Variants in FOXN3 observed in about 807,000 individuals in gnomAD.
FOXN3 encodes the protein forkhead box protein N3.
In FOXN3, 7 loss-of-function variants were observed where a neutral mutation model predicts 38.4. The observed-to-expected ratio is 0.18, with a 90% confidence interval of 0.10 to 0.34. The LOEUF is 0.34. FOXN3 is among the 10% of genes least tolerant of loss of function. FOXN3 has a pLI of 1.00. For synonymous variants in FOXN3, 230 were observed against 242.2 expected (o/e 0.95, Z 0.47); for missense variants, 456 against 613.4 (o/e 0.74, Z 2.71).
intron 3 of FOXN3, among the ~76,000 whole-genome samples, chr14:89,287,749 TAAAA>T (rs58930677): frequency 0.37 from 47,302 of 129,370 alleles, 8,178 homozygotes; most frequent in African/African-American, 0.42. Context: ...TAAAGAATGC[TAAAA>T]AAAAAAAAAA....
intron 2 of FOXN3, among the ~76,000 whole-genome samples, chr14:89,363,029 A>G (rs1295750589): frequency 1.3e-5 from 2 of 152,154 alleles, no homozygotes; most frequent in African/African-American, 4.8e-5. Context: ...AACACAAACA[A>G]GAAGTGATTA....
chr14:89,457,427 C>A (rs145073322), intron 1 of FOXN3, among the ~76,000 whole-genome samples: 1 of 152,304 alleles, frequency 6.6e-6, no homozygotes, highest in East Asian at 1.9e-4. Context: ...AGCATGGAAC[C>A]CGGAGCCTAA....
intron 3 of FOXN3, among the ~76,000 whole-genome samples, chr14:89,325,248 GACCACCACC>G (rs1187823867): frequency 5.0e-5 from 1 of 19,946 alleles, no homozygotes; most frequent in African/African-American, 1.8e-4. Flanking sequence ...CCACCACCAC[GACCACCACC>G]ACCACCACCA....
At chr14:89,578,268 T>C (rs138959361) in intron 1 of FOXN3, among the ~76,000 whole-genome samples, 107 of 152,308 alleles carry the variant, frequency 7.0e-4, no homozygotes, top group African/African-American at 2.4e-3. Context: ...CCACTTCTCT[T>C]TCAGCAACTT....
intron 1 of FOXN3, among the ~76,000 whole-genome samples, chr14:89,545,420 C>T (rs1894865323): frequency 6.6e-6 from 1 of 152,208 alleles, no homozygotes; most frequent in Admixed American, 6.5e-5. Context: ...CCAAACTGTG[C>T]CTACTGGCTC....
At chr14:89,207,204 G>A (rs1204204829) in intron 4 of FOXN3, among the ~76,000 whole-genome samples, 1 of 151,934 alleles carries the variant, frequency 6.6e-6, no homozygotes, top group Non-Finnish European at 1.5e-5. Context: ...TGGGCAAAAA[G>A]AGCAAAACTC....
intron 3 of FOXN3, among the ~76,000 whole-genome samples, chr14:89,293,912 G>A (rs763044558): frequency 2.6e-5 from 4 of 152,150 alleles, no homozygotes; most frequent in African/African-American, 7.2e-5. Context: ...AATGTCTGTT[G>A]AGGGAAGTAA....
chr14:89,334,776 T>G (rs1453543235), intron 3 of FOXN3, among the ~76,000 whole-genome samples: 1 of 146,336 alleles, frequency 6.8e-6, no homozygotes, highest in Non-Finnish European at 1.5e-5. Flanking sequence ...AGAATCTTGC[T>G]CCTTGTTTTG....
chr14:89,571,057 T>G (rs1214525694), intron 1 of FOXN3, among the ~76,000 whole-genome samples: 1 of 152,214 alleles, frequency 6.6e-6, no homozygotes, highest in Admixed American at 6.5e-5. Context: ...AGCACTGCAC[T>G]CAAAGACTGT....
intron 3 of FOXN3, among the ~76,000 whole-genome samples, chr14:89,338,119 G>C (rs921047909): frequency 6.6e-6 from 1 of 152,200 alleles, no homozygotes; most frequent in Non-Finnish European, 1.5e-5. Context: ...TTGGCAGACA[G>C]ATGGGGAAGT....
At chr14:89,202,849 A>G (rs1322820726) in intron 4 of FOXN3, among the ~76,000 whole-genome samples, 1 of 152,016 alleles carries the variant, frequency 6.6e-6, no homozygotes, top group East Asian at 1.9e-4. Context: ...AGCCAGATAA[A>G]CCTCTTTTCT....
chr14:89,186,579 C>T (rs1260437666), intron 4 of FOXN3, among the ~76,000 whole-genome samples: 3 of 152,084 alleles, frequency 2.0e-5, no homozygotes, highest in Non-Finnish European at 4.4e-5. Flanking sequence ...TTGACTGGAG[C>T]ATAATCCAAA....
At chr14:89,529,253 A>G (rs185303904) in intron 1 of FOXN3, among the ~76,000 whole-genome samples, 1 of 152,322 alleles carries the variant, frequency 6.6e-6, no homozygotes, top group East Asian at 1.9e-4. Context: ...AATATTAATT[A>G]CTAGTTAAAA....
At chr14:89,318,817 G>C (rs1887812556) in intron 3 of FOXN3, among the ~76,000 whole-genome samples, 1 of 152,238 alleles carries the variant, frequency 6.6e-6, no homozygotes, top group Non-Finnish European at 1.5e-5. Context: ...ACCGTGGCCA[G>C]ATGAAGCCGC....
At chr14:89,483,501 C>T (rs939938189) in intron 1 of FOXN3, among the ~76,000 whole-genome samples, 27 of 152,282 alleles carry the variant, frequency 1.8e-4, no homozygotes, top group African/African-American at 6.0e-4. Flanking sequence ...CTCTGCCTCC[C>T]GGGTTCAAGT....
chr14:89,265,610 C>T (rs916480686), intron 4 of FOXN3, among the ~76,000 whole-genome samples: 1 of 152,040 alleles, frequency 6.6e-6, no homozygotes. Flanking sequence ...AGGGTTAATG[C>T]CTAAAAGAGG....
chr14:89,590,356 A>T (rs1323298990), intron 1 of FOXN3, among the ~76,000 whole-genome samples: 6 of 152,104 alleles, frequency 3.9e-5, no homozygotes, highest in Non-Finnish European at 1.5e-5. Context: ...AGATGGAGTA[A>T]TTTCTGGAAG....
Position 89,162,737 on chromosome 14 carries a change from A to AGCTCCCCTC in FOXN3, c.1075_1083dup (p.Glu359_Ser361dup), listed in dbSNP as rs1427282946. On this transcript the variant is annotated inframe_insertion, in exon 6 of 6. Coordinates refer to ENST00000557258, the MANE Select transcript of FOXN3 (RefSeq NM_005197.4). The surrounding 1 kb of genome is among the most constrained non-coding windows in gnomAD (Gnocchi z 7.2). The stretch of plus-strand genomic sequence containing the variant: ...TCGCTGGGGCTCTCGTGGCTCCGGA[A>AGCTCCCCTC]GCTCCCCTCGCTGCCCTCGCTGCCC... 1.2e-6 allele frequency: 2 copies of AGCTCCCCTC among 1,613,390 alleles called. No individual in the cohort carries two copies. The highest frequency in any genetic ancestry group is 1.3e-5 in the African/African-American group (1 of 74,860).
intron 2 of FOXN3, among the ~76,000 whole-genome samples, chr14:89,405,367 C>T (rs762813723): frequency 2.0e-4 from 31 of 152,100 alleles, no homozygotes; most frequent in Admixed American, 3.3e-4. Flanking sequence ...GAACTCCTGG[C>T]CTCAAATGAT....
Sources: allele counts gnomAD v4.1 joint callset (sites outside exome capture counted in the v4.1 genomes callset), GRCh38; gene constraint gnomAD v4.1.1; non-coding constraint Gnocchi (gnomAD v3.1); transcripts MANE v1.5; gene names NCBI Gene and HGNC (gene_info 2026-07-23, HGNC 2026-07-21).